Variants in ASIC2 observed in about 807,000 individuals in gnomAD.
ASIC2 encodes acid-sensing ion channel 2.
In ASIC2, 25 loss-of-function variants were observed where a neutral mutation model predicts 57.3. That is an observed-to-expected ratio of 0.44 (90% CI 0.32 to 0.61). The LOEUF (loss-of-function observed/expected upper bound fraction) is 0.61. ASIC2 is among the 20% of genes least tolerant of loss of function. ASIC2 has a pLI of 0.06. For missense variants in ASIC2, 641 were observed against 738.1 expected (o/e 0.87, Z 1.52); for synonymous variants, 319 against 307.5 (o/e 1.04, Z -0.39).
chr17:33,174,897 C>T (rs558615740), intron 1 of ASIC2, among the ~76,000 whole-genome samples: 4 of 152,188 alleles, frequency 2.6e-5, no homozygotes, highest in East Asian at 1.9e-4. Context: ...TAAGTCAGTC[C>T]GTTGTGACTG....
intron 1 of ASIC2, among the ~76,000 whole-genome samples, chr17:33,343,871 C>T (rs1420720600): frequency 1.3e-5 from 2 of 152,228 alleles, no homozygotes; most frequent in African/African-American, 4.8e-5. Context: ...CCCACAGAAG[C>T]CCCTGAAAAG....
In ASIC2 at chr17:34,156,582, A is replaced by T; in HGVS notation, c.-50T>A. 6.6e-7 allele frequency: 1 copy of T among 1,521,768 alleles called. No individual in the cohort carries two copies. The highest frequency in any genetic ancestry group is 8.8e-7 in the Non-Finnish European group (1 of 1,130,556). The allele number at this position is 1,521,768 out of a possible 1,614,324, so 94.3% of individuals were successfully genotyped here. A position where few individuals can be genotyped will look rare whatever the true frequency, so the allele number is the denominator to read the frequency against. ...TGGCTTCAGGTTGATCGAATTTCAGAGAAGAGCTCCCAGTCCTCGGGCTCT... is the reference window on the plus strand; with the variant it reads ...TGGCTTCAGGTTGATCGAATTTCAGTGAAGAGCTCCCAGTCCTCGGGCTCT... On this transcript the variant is annotated 5_prime_UTR_variant, in exon 1 of 10. Transcript: ENST00000359872. The surrounding 1 kb of genome is among the most constrained non-coding windows in gnomAD (Gnocchi z 4.4).
At chr17:33,457,912 C>A (rs1258406671) in intron 1 of ASIC2, among the ~76,000 whole-genome samples, 1 of 152,186 alleles carries the variant, frequency 6.6e-6, no homozygotes, top group Non-Finnish European at 1.5e-5. Context: ...TGATTCTGGT[C>A]AAAGACCTTG....
intron 1 of ASIC2, among the ~76,000 whole-genome samples, chr17:33,324,745 G>A (rs551152958): frequency 3.9e-5 from 6 of 152,246 alleles, no homozygotes; most frequent in African/African-American, 1.4e-4. Context: ...CGTTCTAACA[G>A]CATCTTTGAC....
chr17:33,196,958 C>T (rs1392001152), intron 1 of ASIC2, among the ~76,000 whole-genome samples: 1 of 152,164 alleles, frequency 6.6e-6, no homozygotes, highest in Non-Finnish European at 1.5e-5. Context: ...CGTCTAAGTC[C>T]TCAATAGAAA....
At chr17:33,599,090 G>A (rs1905057692) in intron 1 of ASIC2, among the ~76,000 whole-genome samples, 1 of 152,190 alleles carries the variant, frequency 6.6e-6, no homozygotes, top group Admixed American at 6.5e-5. Context: ...GTAAAATGGA[G>A]CCTTGATATC....
intron 1 of ASIC2, among the ~76,000 whole-genome samples, chr17:33,975,651 G>A (rs534183189): frequency 3.0e-4 from 45 of 152,040 alleles, no homozygotes; most frequent in African/African-American, 5.3e-4. Context: ...TGTTTGACTC[G>A]GCTGGAGACC....
At chr17:34,073,080 C>T (rs1020157616) in intron 1 of ASIC2, among the ~76,000 whole-genome samples, 6 of 151,958 alleles carry the variant, frequency 3.9e-5, no homozygotes, top group African/African-American at 1.5e-4. Context: ...GGTGGGATTC[C>T]GCAAAGTTCC....
chr17:34,019,198 C>G (rs546333496), intron 1 of ASIC2, among the ~76,000 whole-genome samples: 1 of 152,098 alleles, frequency 6.6e-6, no homozygotes, highest in Admixed American at 6.5e-5. Flanking sequence ...TGAGCCACCA[C>G]GCCTGGCCAA....
chr17:33,326,434 C>A (rs574745785), intron 1 of ASIC2, among the ~76,000 whole-genome samples: 4 of 152,256 alleles, frequency 2.6e-5, no homozygotes, highest in African/African-American at 7.2e-5. Flanking sequence ...TAATGACAGG[C>A]AATTTATTTA....
chr17:33,238,400 C>T (rs1377270937), intron 1 of ASIC2, among the ~76,000 whole-genome samples: 1 of 152,254 alleles, frequency 6.6e-6, no homozygotes, highest in African/African-American at 2.4e-5. Flanking sequence ...TTACTGGTCT[C>T]CTGCTTCCTC....
chr17:34,027,313 C>T (rs2142033798), intron 1 of ASIC2, among the ~76,000 whole-genome samples: 1 of 152,282 alleles, frequency 6.6e-6, no homozygotes, highest in East Asian at 1.9e-4. Context: ...TTATTTGAAG[C>T]ATTCTCTACT....
Position 33,291,980 on chromosome 17 carries a change from G to T in ASIC2, c.136C>A (p.Arg46=), listed in dbSNP as rs1482773693. ...GCGACCCCTGGCCCCTGCAGCGCCC[G>T]CTCGCCGCCTCTGCCGCCCCCGGGC... is the stretch of plus-strand genomic sequence containing the variant. ...GQPGGGRGGE[R]ALQGPGVARR... Residue 46 remains arginine, a synonymous_variant, in exon 1 of 10, where the codon CGG becomes AGG. Transcript: ENST00000225823. 2.3e-6 allele frequency: 3 copies of T among 1,294,716 alleles called. No homozygotes were observed. Among genetic ancestry groups the T allele is most frequent in the Middle Eastern group, 2.9e-4 (1 of 3,434 alleles). 80.2% of individuals were successfully genotyped at this position (1,294,716 alleles called of 1,614,324 possible). A position where few individuals can be genotyped will look rare whatever the true frequency, so the allele number is the denominator to read the frequency against.
intron 1 of ASIC2, among the ~76,000 whole-genome samples, chr17:34,099,734 G>GAA (rs1487194758): frequency 3.9e-3 from 2 of 508 alleles, no homozygotes; most frequent in Admixed American, 0.33. Flanking sequence ...AGGAAAGAAG[G>GAA]AAAGAAAGAA....
chr17:33,446,188 T>C (rs1912011922), intron 1 of ASIC2, among the ~76,000 whole-genome samples: 1 of 151,996 alleles, frequency 6.6e-6, no homozygotes, highest in Non-Finnish European at 1.5e-5. Context: ...AGCAAATAAA[T>C]GGTGTGAGAA....
chr17:33,934,645 G>A (rs1293408567), intron 1 of ASIC2, among the ~76,000 whole-genome samples: 1 of 152,176 alleles, frequency 6.6e-6, no homozygotes, highest in African/African-American at 2.4e-5. Flanking sequence ...TGCCTACCGG[G>A]GAGTTCAGTC....
intron 1 of ASIC2, chr17:34,155,769 T>C (rs1186214606): frequency 2.3e-5 from 13 of 571,262 alleles, no homozygotes; most frequent in Non-Finnish European, 3.0e-5. Context: ...CCCTCCATAT[T>C]TGATCTGACA....
intron 1 of ASIC2, among the ~76,000 whole-genome samples, chr17:33,187,492 A>G (rs1020810382): frequency 6.6e-6 from 1 of 152,200 alleles, no homozygotes; most frequent in Non-Finnish European, 1.5e-5. Flanking sequence ...GTTGATTGTA[A>G]TGGTTCCTAT....
chr17:33,032,438 C>CTTTTTTTTTTTTTT (rs1336737148), intron 3 of ASIC2, among the ~76,000 whole-genome samples: 1 of 83,622 alleles, frequency 1.2e-5, no homozygotes, highest in Non-Finnish European at 2.4e-5. Flanking sequence ...CTATAATACA[C>CTTTTTTTTTTTTTT]TGTTTTTTTT....
Sources: gnomAD v4.1 joint callset for allele counts (sites outside exome capture counted in the v4.1 genomes callset) on GRCh38, gnomAD v4.1.1 for gene constraint, Gnocchi (gnomAD v3.1) non-coding constraint, MANE v1.5 for transcripts, NCBI Gene and HGNC (gene_info 2026-07-23, HGNC 2026-07-21) for gene names.